Variants in HSD17B12 observed in about 807,000 individuals in gnomAD.
The protein encoded by HSD17B12 is hydroxysteroid 17-beta dehydrogenase 12.
HSD17B12 carries 32 observed loss-of-function variants against 39.3 expected under a neutral mutation model. The ratio of observed to expected loss-of-function variants is 0.81; its 90% CI spans 0.61 to 1.09. The LOEUF (loss-of-function observed/expected upper bound fraction) is 1.09. Ranked by LOEUF, HSD17B12 falls within the 50% of genes least tolerant of loss-of-function variation. The pLI is 0.00. For synonymous variants in HSD17B12, 150 were observed against 146.7 expected, an observed-to-expected ratio of 1.02 and a Z score of -0.16; for missense variants, 342 against 382.9, an observed-to-expected ratio of 0.89 and a Z score of 0.89.
intron 7 of HSD17B12, chr11:43,834,195 T>G (rs1379402767): frequency 6.6e-6 from 1 of 152,190 alleles, no homozygotes; most frequent in Admixed American, 6.5e-5. Context: ...TTGACATAGA[T>G]CTCTATTTTT....
the HSD17B12 span, among the ~76,000 whole-genome samples, chr11:43,667,354 G>T: frequency 6.6e-6 from 1 of 152,084 alleles, no homozygotes; most frequent in Non-Finnish European, 1.5e-5. Flanking sequence ...GTTTTGCCAT[G>T]TTGACCAGGC....
At chr11:43,770,691 C>G (rs1175237527) in intron 3 of HSD17B12, among the ~76,000 whole-genome samples, 1 of 152,182 alleles carries the variant, frequency 6.6e-6, no homozygotes, top group Non-Finnish European at 1.5e-5. Context: ...GCCACTGTCT[C>G]GTCACTGCGC....
At chr11:43,744,322 A>G (rs928387868) in intron 1 of HSD17B12, among the ~76,000 whole-genome samples, 1 of 152,188 alleles carries the variant, frequency 6.6e-6, no homozygotes, top group Non-Finnish European at 1.5e-5. Context: ...ATGGAGTTCT[A>G]CAGACTAAGT....
intron 2 of HSD17B12, among the ~76,000 whole-genome samples, 162 bp from the exon 3 acceptor site, chr11:43,753,884 A>AT (rs768787413): frequency 5.3e-5 from 8 of 152,042 alleles, no homozygotes; most frequent in Non-Finnish European, 8.8e-5. Context: ...TTTTTGGGGC[A>AT]TTTTTTTGGT....
the HSD17B12 span, among the ~76,000 whole-genome samples, chr11:43,600,921 T>C: frequency 6.1e-3 from 921 of 152,036 alleles, 7 homozygotes; most frequent in African/African-American, 0.021. Context: ...AGTTTTCTGC[T>C]TTAAAGATAC....
intron 4 of HSD17B12, among the ~76,000 whole-genome samples, chr11:43,810,623 C>T (rs541626403): frequency 1.1e-4 from 17 of 151,988 alleles, no homozygotes; most frequent in Non-Finnish European, 2.4e-4. Context: ...TCTGTTTTCA[C>T]CTCTGTTCTC....
intron 3 of HSD17B12, among the ~76,000 whole-genome samples, chr11:43,756,595 C>T (rs1950509820): frequency 6.6e-6 from 1 of 152,142 alleles, no homozygotes; most frequent in Non-Finnish European, 1.5e-5. Flanking sequence ...ATGAATGCAT[C>T]TACTAGTTGC....
chr11:43,617,762 A>G, the HSD17B12 span, among the ~76,000 whole-genome samples: 1 of 152,060 alleles, frequency 6.6e-6, no homozygotes, highest in Non-Finnish European at 1.5e-5. Flanking sequence ...GCAAGTGTGG[A>G]CCTTCAAGTG....
At chr11:43,714,922 A>G (rs148428864) in intron 1 of HSD17B12, among the ~76,000 whole-genome samples, 2,868 of 151,950 alleles carry the variant, frequency 0.019, 35 homozygotes, top group Non-Finnish European at 0.025. Context: ...TTGGCTCTCT[A>G]TTTGTCTGTT....
At position 43,680,944 on chromosome 11, in the gene HSD17B12, G is replaced by A. The variant is rs1439333652; in HGVS notation, c.117G>A (p.Val39=). The A allele has an allele frequency of 6.2e-7, 1 of 1,611,192 alleles. No individual in the cohort carries two copies. ...SLFTALRVWG[V]GNEAGVGPGL... ...TCACGGCCCTCCGGGTCTGGGGAGT[G>A]GGGAATGAGGCGGGGGTCGGCCCGG... Residue 39 remains valine, a synonymous_variant, in exon 1 of 11, where the codon GTG becomes GTA. Coordinates refer to ENST00000278353, the MANE Select transcript of HSD17B12 (RefSeq NM_016142.3).
intron 3 of HSD17B12, among the ~76,000 whole-genome samples, chr11:43,756,712 A>T (rs912247883): frequency 2.0e-5 from 3 of 152,224 alleles, no homozygotes; most frequent in African/African-American, 7.2e-5. Flanking sequence ...CGATACAGAA[A>T]CAAGAAAAGC....
At chr11:43,803,600 A>T (rs992187458) in intron 4 of HSD17B12, among the ~76,000 whole-genome samples, 6 of 152,224 alleles carry the variant, frequency 3.9e-5, no homozygotes, top group Non-Finnish European at 8.8e-5. Context: ...GAAAATTAAT[A>T]TTTTCAGAAT....
intron 1 of HSD17B12, among the ~76,000 whole-genome samples, chr11:43,702,204 A>G (rs1266797699): frequency 6.6e-6 from 1 of 152,292 alleles, no homozygotes; most frequent in Non-Finnish European, 1.5e-5. Flanking sequence ...TTTGTCTATC[A>G]GTTCTAATAT....
chr11:43,582,517 A>G, the HSD17B12 span, among the ~76,000 whole-genome samples: 1 of 152,208 alleles, frequency 6.6e-6, no homozygotes, highest in Non-Finnish European at 1.5e-5. Context: ...AAGGACACAC[A>G]TACACACATG....
the HSD17B12 span, among the ~76,000 whole-genome samples, chr11:43,625,359 C>G: frequency 2.0e-5 from 3 of 151,474 alleles, no homozygotes; most frequent in East Asian, 5.8e-4. Flanking sequence ...AAGTGCTAAA[C>G]TAATAATATT....
chr11:43,657,920 C>G, the HSD17B12 span, among the ~76,000 whole-genome samples: 9 of 152,140 alleles, frequency 5.9e-5, no homozygotes, highest in Non-Finnish European at 1.3e-4. Flanking sequence ...GTGGTGTTCT[C>G]TGTATTTCCT....
At chr11:43,607,437 C>A in the HSD17B12 span, among the ~76,000 whole-genome samples, 79 of 152,282 alleles carry the variant, frequency 5.2e-4, no homozygotes, top group Middle Eastern at 3.4e-3. Flanking sequence ...ACAAAAGCCG[C>A]TCAAGCACTG....
intron 1 of HSD17B12, among the ~76,000 whole-genome samples, chr11:43,688,716 G>A (rs1949825397): frequency 6.6e-6 from 1 of 152,194 alleles, no homozygotes; most frequent in African/African-American, 2.4e-5. Context: ...AAACAGTATA[G>A]CTAACAAACA....
upstream of HSD17B12, chr11:43,680,420 A>C: frequency 4.5e-6 from 1 of 219,998 alleles, no homozygotes; most frequent in South Asian, 5.0e-5. Context: ...GGCTTCTCTG[A>C]TCCCATTTCC....
Sources: allele counts gnomAD v4.1 joint callset (sites outside exome capture counted in the v4.1 genomes callset), GRCh38; gene constraint gnomAD v4.1.1; transcripts MANE v1.5; gene names NCBI Gene and HGNC (gene_info 2026-07-23, HGNC 2026-07-21).